The following SIL1 variants were observed in gnomAD, a reference collection of about 807,000 sequenced individuals.
The protein encoded by SIL1 is SIL1 nucleotide exchange factor.
In SIL1, 40 loss-of-function variants were observed where a neutral mutation model predicts 49.1. The ratio of observed to expected loss-of-function variants is 0.81; its 90% CI spans 0.63 to 1.06. The LOEUF (loss-of-function observed/expected upper bound fraction) is 1.06. SIL1 is among the 50% of genes least tolerant of loss of function. The pLI is 0.00. For missense variants in SIL1, 500 were observed against 572.6 expected (o/e 0.87, Z 1.29); for synonymous variants, 253 against 250.8 (o/e 1.01, Z -0.08).
intron 7 of SIL1, among the ~76,000 whole-genome samples, chr5:138,965,537 A>T (rs1008675328): frequency 3.3e-5 from 5 of 152,102 alleles, no homozygotes; most frequent in African/African-American, 1.2e-4. Flanking sequence ...CAAGAGGCAT[A>T]AACAGAACAT....
intron 7 of SIL1, among the ~76,000 whole-genome samples, chr5:139,015,152 T>C (rs1020140610): frequency 2.0e-5 from 3 of 152,224 alleles, no homozygotes; most frequent in South Asian, 2.1e-4. Context: ...ATTCATTCAA[T>C]AATTATTTCC....
At chr5:139,098,157 C>T (rs1415889050) in intron 3 of SIL1, among the ~76,000 whole-genome samples, 1 of 152,116 alleles carries the variant, frequency 6.6e-6, no homozygotes, top group South Asian at 2.1e-4. Context: ...GCAAAAAGAA[C>T]AAAACTGGAG....
At chr5:138,988,524 T>C (rs1278758114) in intron 7 of SIL1, among the ~76,000 whole-genome samples, 1 of 152,210 alleles carries the variant, frequency 6.6e-6, no homozygotes, top group Non-Finnish European at 1.5e-5. Context: ...TCTAATTAAT[T>C]GAAGCACTGT....
At chr5:139,104,462 G>A (rs1770658435) in intron 3 of SIL1, among the ~76,000 whole-genome samples, 1 of 152,130 alleles carries the variant, frequency 6.6e-6, no homozygotes, top group Non-Finnish European at 1.5e-5. Context: ...GTCCAGAGAT[G>A]GGTAAAAGGA....
intron 5 of SIL1, among the ~76,000 whole-genome samples, chr5:139,033,118 C>T (rs1038907105): frequency 2.0e-5 from 3 of 152,062 alleles, no homozygotes; most frequent in Non-Finnish European, 4.4e-5. Context: ...CTCAGTCTCC[C>T]GAGTAGCTCG....
At chr5:139,161,029 A>T (rs1221390384) in intron 1 of SIL1, among the ~76,000 whole-genome samples, 1 of 152,130 alleles carries the variant, frequency 6.6e-6, no homozygotes, top group Non-Finnish European at 1.5e-5. Context: ...GGATCACCTG[A>T]GGTCAGGAGT....
chr5:138,947,063 C>G lies in SIL1; in HGVS notation c.*54G>C. The G allele has an allele frequency of 1.4e-6, 2 of 1,439,368 alleles. No individual in the cohort carries two copies. The highest frequency in any genetic ancestry group is 2.4e-5 in the South Asian group (2 of 84,254). 89.2% of individuals were successfully genotyped at this position (1,439,368 alleles called of 1,614,324 possible). ...CTCCTGCCTGAGAAGCCCACCCACG[C>G]TGGCACCCCTCAGCCTCACTAGCGG... On this transcript the variant is annotated 3_prime_UTR_variant, in exon 10 of 10. Coordinates refer to ENST00000394817, the MANE Select transcript of SIL1 (RefSeq NM_022464.5). The surrounding 1 kb of genome is among the most constrained non-coding windows in gnomAD (Gnocchi z 4.1).
chr5:138,951,307 C>T lies in SIL1; in HGVS notation c.893G>A (p.Arg298His), dbSNP rs774070924. 7.1e-6 allele frequency: 11 copies of T among 1,559,966 alleles called. No individual in the cohort carries two copies. The highest frequency in any genetic ancestry group is 5.4e-5 in the African/African-American group (4 of 73,584). ...CTGCCGCTGGGCATAGGGGAAGTGG[C>T]GCAGCAGGGAGCACAGTGCAAACAG... The part of the protein sequence containing the change: ...KVLFALCSLL[R>H]HFPYAQRQFL... The change falls in exon 9 of 10, where the codon CGC becomes CAC. Residue 298 changes from arginine (R) to histidine (H), a missense_variant. Transcript: ENST00000394817.
intron 6 of SIL1, chr5:139,021,694 A>C (rs1768532253): frequency 7.1e-6 from 2 of 281,160 alleles, no homozygotes; most frequent in Non-Finnish European, 1.4e-5. Context: ...CAATGGGGAC[A>C]GTGGAGGCAG....
intron 1 of SIL1, among the ~76,000 whole-genome samples, chr5:139,179,607 T>C (rs901778221): frequency 2.0e-5 from 3 of 152,158 alleles, no homozygotes; most frequent in Non-Finnish European, 4.4e-5. Flanking sequence ...GAAGTATTTT[T>C]TGAGCACCAC....
chr5:138,955,254 C>T (rs1029607154), intron 7 of SIL1, among the ~76,000 whole-genome samples: 27 of 152,160 alleles, frequency 1.8e-4, no homozygotes, highest in Admixed American at 3.9e-4. Context: ...ATCTCCGATG[C>T]GATAAATGAG....
chr5:139,185,877 G>A (rs1752069774), intron 1 of SIL1, among the ~76,000 whole-genome samples: 1 of 152,236 alleles, frequency 6.6e-6, no homozygotes, highest in Non-Finnish European at 1.5e-5. Context: ...ATATCACCTT[G>A]CAAAAGGTTC....
intron 3 of SIL1, among the ~76,000 whole-genome samples, chr5:139,120,733 A>G (rs1487749808): frequency 6.6e-6 from 1 of 152,222 alleles, no homozygotes; most frequent in Non-Finnish European, 1.5e-5. Context: ...AGCAAGGCAC[A>G]TGTCACTGCC....
At chr5:139,059,206 G>A (rs979113001) in intron 3 of SIL1, among the ~76,000 whole-genome samples, 9 of 152,112 alleles carry the variant, frequency 5.9e-5, no homozygotes, top group Admixed American at 1.3e-4. Flanking sequence ...CTGGTAGGAG[G>A]TAATTAAATC....
intron 7 of SIL1, among the ~76,000 whole-genome samples, chr5:138,984,349 C>CT (rs1767603075): frequency 1.4e-5 from 2 of 144,718 alleles, no homozygotes; most frequent in African/African-American, 2.6e-5. Flanking sequence ...TTTTTGTTTG[C>CT]TTTTGTTTTT....
At chr5:138,961,047 G>A (rs1056363349) in intron 7 of SIL1, among the ~76,000 whole-genome samples, 2 of 152,164 alleles carry the variant, frequency 1.3e-5, no homozygotes, top group Admixed American at 1.3e-4. Context: ...GAGGGATGGG[G>A]GAGGGAGGAC....
At chr5:139,026,032 A>G (rs1465230941) in intron 6 of SIL1, among the ~76,000 whole-genome samples, 1 of 152,108 alleles carries the variant, frequency 6.6e-6, no homozygotes, top group Non-Finnish European at 1.5e-5. Context: ...GCCAACCCCA[A>G]TCATCCTATA....
At chr5:139,152,184 C>T (rs1444979780) in intron 1 of SIL1, among the ~76,000 whole-genome samples, 3 of 152,174 alleles carry the variant, frequency 2.0e-5, no homozygotes, top group Non-Finnish European at 1.5e-5. Context: ...CGGCAGGCCA[C>T]GCTCTCCACA....
chr5:139,166,503 A>T (rs1228768534), intron 1 of SIL1, among the ~76,000 whole-genome samples: 2 of 152,182 alleles, frequency 1.3e-5, no homozygotes, highest in East Asian at 3.9e-4. Flanking sequence ...CCTTACAAAA[A>T]ATACAAAAAT....
Sources: allele counts gnomAD v4.1 joint callset (sites outside exome capture counted in the v4.1 genomes callset), GRCh38; gene constraint gnomAD v4.1.1; non-coding constraint Gnocchi (gnomAD v3.1); transcripts MANE v1.5; gene names NCBI Gene and HGNC (gene_info 2026-07-23, HGNC 2026-07-21).